Variants in CUX1 observed in about 807,000 individuals in gnomAD.
CUX1 encodes protein CASP.
CUX1 carries 31 observed loss-of-function variants against 158.8 expected under a neutral mutation model. That is an observed-to-expected ratio of 0.20 (90% CI 0.15 to 0.26). CUX1 has a LOEUF of 0.26. Ranked by LOEUF, CUX1 falls within the 10% of genes least tolerant of loss-of-function variation. CUX1 has a pLI of 1.00. For missense variants in CUX1, 1,589 were observed against 2,014.6 expected (o/e 0.79, Z 4.04); for synonymous variants, 879 against 862.1 (o/e 1.02, Z -0.34).
intron 2 of CUX1, among the ~76,000 whole-genome samples, chr7:101,952,480 T>C (rs1401745006): frequency 1.3e-5 from 2 of 152,156 alleles, no homozygotes; most frequent in Non-Finnish European, 2.9e-5. Flanking sequence ...CTTCACCAGC[T>C]CTCCTGGTTA....
rs555909614 is a variant in CUX1, at chr7:102,096,945, A to G, written c.269-419A>G. On this transcript the variant is annotated intron_variant, in intron 4 of 23. Coordinates refer to ENST00000292535, the MANE Select transcript of CUX1 (RefSeq NM_181552.4). ...AGGTGTCACTTCCAGCCTCATAATC[A>G]CTGGACCCTTAAACATCCCGGCACC... is the stretch of plus-strand genomic sequence containing the variant. Among the ~76,000 whole-genome samples, 42 of 152,300 alleles carry G rather than the reference A, an allele frequency of 2.8e-4. No individual in the cohort carries two copies. The East Asian group carries it at 5.2e-3, about 19-fold the overall frequency.
Position 102,155,656 on chromosome 7 carries a change from G to A in CUX1, c.675-2904G>A, listed in dbSNP as rs115093297. Among the ~76,000 whole-genome samples the A allele has an allele frequency of 1.8e-3, 270 of 151,988 alleles. 1 individual carries two copies. Among genetic ancestry groups the A allele is most frequent in the African/African-American group, 6.3e-3 (258 of 41,266 alleles). ...TACGCTCTGAATTCTTCAACAGGGC[G>A]TCAAGGTAGCAGCTTTCTGCATTGA... is the stretch of plus-strand genomic sequence containing the variant. On this transcript the variant is annotated intron_variant, in intron 8 of 23. Transcript: ENST00000292535.
At chr7:102,128,583 C>A (rs1554496142) in intron 8 of CUX1, among the ~76,000 whole-genome samples, 3 of 151,402 alleles carry the variant, frequency 2.0e-5, no homozygotes, top group African/African-American at 7.3e-5. Context: ...GTGGGAAGAA[C>A]CTGGGTCGCA....
chr7:102,271,636 C>T (rs953527526), intron 14 of CUX1, among the ~76,000 whole-genome samples: 1 of 152,230 alleles, frequency 6.6e-6, no homozygotes, highest in East Asian at 1.9e-4. Flanking sequence ...AGGCCGGGTC[C>T]TGCCTTCAGG....
chr7:101,886,550 G>A (rs1422611513), intron 1 of CUX1, among the ~76,000 whole-genome samples: 1 of 152,158 alleles, frequency 6.6e-6, no homozygotes, highest in Non-Finnish European at 1.5e-5. Context: ...CATTCGGCAA[G>A]GTGTAGGCTT....
At chr7:102,211,174 G>A (rs530808697) in intron 20 of CUX1, among the ~76,000 whole-genome samples, 51 of 152,222 alleles carry the variant, frequency 3.4e-4, no homozygotes, top group Admixed American at 1.6e-3. Context: ...GGCCAGGCGC[G>A]GTGGCTCACA....
chr7:101,928,155 C>A (rs1353010832), intron 2 of CUX1, among the ~76,000 whole-genome samples: 3 of 152,148 alleles, frequency 2.0e-5, no homozygotes, highest in Non-Finnish European at 2.9e-5. Flanking sequence ...TAGTCAAAAA[C>A]ATGCTGCGTT....
intron 3 of CUX1, among the ~76,000 whole-genome samples, chr7:102,054,223 C>A (rs1160526634): frequency 6.6e-6 from 1 of 152,146 alleles, no homozygotes; most frequent in Non-Finnish European, 1.5e-5. Context: ...ACCTAAGAAA[C>A]CATTGCCTAA....
At chr7:101,957,240 A>G (rs1809889737) in intron 2 of CUX1, among the ~76,000 whole-genome samples, 1 of 152,232 alleles carries the variant, frequency 6.6e-6, no homozygotes, top group African/African-American at 2.4e-5. Flanking sequence ...CAAGATGAAT[A>G]TATAGACATA....
rs374559289 is a variant in CUX1, at chr7:102,215,280, C to A, written c.3130+10110C>A. On this transcript the variant is annotated intron_variant, in intron 20 of 23. Coordinates refer to ENST00000292535, the MANE Select transcript of CUX1 (RefSeq NM_181552.4). ...TTTTGCAAGCAAAGAAAAATCTGTC[C>A]AGAGTGCCTGGAGCTGGGTTAGTGC... 1.6e-4 allele frequency among the ~76,000 whole-genome samples: 23 copies of A among 140,346 alleles called. No homozygotes were observed. The South Asian group carries it at 3.4e-3, about 20-fold the overall frequency. 92.1% of individuals were successfully genotyped at this position (140,346 alleles called of 152,430 possible).
At chr7:101,890,790 C>A (rs1397125989) in intron 1 of CUX1, among the ~76,000 whole-genome samples, 3 of 152,112 alleles carry the variant, frequency 2.0e-5, no homozygotes, top group Non-Finnish European at 4.4e-5. Flanking sequence ...GCAAGTTAAC[C>A]TCGAACTCTT....
In CUX1 at chr7:101,929,215, TA is replaced by T. The variant is rs1195611987; in HGVS notation, c.141+12997del. On this transcript the variant is annotated intron_variant, in intron 2 of 23. Coordinates refer to ENST00000292535, the MANE Select transcript of CUX1 (RefSeq NM_181552.4). Reference sequence around the variant, plus strand: ...TAAAATAAAGCTATAAACGAACACTTAAAAAAATTATTAAAGCCTAGGGTAG... The same window carrying T: ...TAAAATAAAGCTATAAACGAACACTTAAAAAATTATTAAAGCCTAGGGTAG... Among the ~76,000 whole-genome samples, 8 of 152,118 alleles carry T rather than the reference TA, an allele frequency of 5.3e-5. No homozygotes were observed. The South Asian group carries it at 8.3e-4, about 16-fold the overall frequency.
In CUX1 at chr7:101,992,547, G is replaced by A. The variant is rs573014710; in HGVS notation, c.142-35551G>A. 2.0e-5 allele frequency among the ~76,000 whole-genome samples: 3 copies of A among 152,280 alleles called. 1 individual carries two copies. The highest frequency in any genetic ancestry group is 2.0e-4 in the Admixed American group (3 of 15,288). ...ACGTGCCCCATGCCCAGCAAGTTGG[G>A]TGGGGGAGGGGTCAGTACATGTTTG... On this transcript the variant is annotated intron_variant, in intron 2 of 23. Coordinates refer to ENST00000292535, the MANE Select transcript of CUX1 (RefSeq NM_181552.4).
intron 2 of CUX1, among the ~76,000 whole-genome samples, chr7:101,990,844 T>C (rs189726424): frequency 6.6e-6 from 1 of 152,260 alleles, no homozygotes; most frequent in African/African-American, 2.4e-5. Context: ...GTGTCTTCTG[T>C]GATTCTCCCC....
chr7:102,116,570 A>C (rs1358218988), intron 8 of CUX1, among the ~76,000 whole-genome samples: 1 of 152,122 alleles, frequency 6.6e-6, no homozygotes, highest in Non-Finnish European at 1.5e-5. Flanking sequence ...ACGTGAACCC[A>C]GGAGTTGAGG....
At chr7:101,911,353 C>A (rs1191077342) in intron 1 of CUX1, among the ~76,000 whole-genome samples, 1 of 152,140 alleles carries the variant, frequency 6.6e-6, no homozygotes, top group African/African-American at 2.4e-5. Context: ...TGGCCTTGGC[C>A]CTCCAGTGGA....
In CUX1 at chr7:101,837,642, A is replaced by C. The variant is rs1294346334; in HGVS notation, c.30+19973A>C. On this transcript the variant is annotated intron_variant, in intron 1 of 23. Coordinates refer to ENST00000292535, the MANE Select transcript of CUX1 (RefSeq NM_181552.4). ...CCAGGAGTTCAAGACCAGCCTGGGCAACATAGTGAGACCCTCTCTACAAAA... is the reference window on the plus strand; with the variant it reads ...CCAGGAGTTCAAGACCAGCCTGGGCCACATAGTGAGACCCTCTCTACAAAA... Among the ~76,000 whole-genome samples, 3 of 151,856 alleles carry C rather than the reference A, an allele frequency of 2.0e-5. No individual in the cohort carries two copies. The East Asian group carries it at 5.8e-4, about 29-fold the overall frequency.
At chr7:102,280,094 G>C in exon 19 of CUX1, 1 of 1,610,752 alleles carries the variant, frequency 6.2e-7, no homozygotes, top group Admixed American at 1.7e-5. Flanking sequence ...GGAGCGCCTG[G>C]ACCCCTTCTC....
In CUX1 at chr7:101,817,734, G is replaced by A. The variant is rs1314070638; in HGVS notation, c.30+65G>A. On this transcript the variant is annotated intron_variant, in intron 1 of 23. Transcript: ENST00000292535. The surrounding 1 kb of genome is among the most constrained non-coding windows in gnomAD (Gnocchi z 4.1). ...GCGGAGGGAACCGGGGATGTCGGGGGGTGCCCGGGTCCCGCGGCTTAGAAT... is the reference window on the plus strand; with the variant it reads ...GCGGAGGGAACCGGGGATGTCGGGGAGTGCCCGGGTCCCGCGGCTTAGAAT... 1 of 1,535,944 alleles carries A rather than the reference G, an allele frequency of 6.5e-7. No individual in the cohort carries two copies.
Sources: gnomAD v4.1 joint callset for allele counts (sites outside exome capture counted in the v4.1 genomes callset) on GRCh38, gnomAD v4.1.1 for gene constraint, Gnocchi (gnomAD v3.1) non-coding constraint, MANE v1.5 for transcripts, NCBI Gene and HGNC (gene_info 2026-07-23, HGNC 2026-07-21) for gene names.